The following NFAT5 variants were observed in gnomAD, a reference collection of about 807,000 sequenced individuals.
NFAT5 encodes nuclear factor of activated T cells 5.
In NFAT5, 31 loss-of-function variants were observed where a neutral mutation model predicts 166.5. The observed-to-expected ratio is 0.19, with a 90% CI of 0.14 to 0.25. The LOEUF (loss-of-function observed/expected upper bound fraction) is 0.25, where lower values mean the gene tolerates loss of function less well. Among genes scored for constraint, NFAT5 ranks in the 10% least tolerant of loss-of-function variants. The probability of loss-of-function intolerance (pLI) is 1.00; values close to 1 mark genes in which losing one functional copy is unlikely to be tolerated. For synonymous variants in NFAT5, 612 were observed against 639.7 expected, an observed-to-expected ratio of 0.96 and a Z score of 0.65; for missense variants, 1,449 against 1,821.8, an observed-to-expected ratio of 0.80 and a Z score of 3.72.
rs199658832 is a variant in NFAT5, at chr16:69,677,284, A to G, written c.1639A>G (p.Asn547Asp). 5.0e-6 allele frequency: 8 copies of G among 1,612,330 alleles called. No individual in the cohort carries two copies. In the Admixed American group the frequency reaches 1.2e-4, roughly 24 times the overall value. Reference sequence around the variant, plus strand: ...GTCAGTGGGAATATATGTAGTGACAAATGCTGGAAGATCTCATGATGTTCA... The same window carrying G: ...GTCAGTGGGAATATATGTAGTGACAGATGCTGGAAGATCTCATGATGTTCA... ...PVSVGIYVVT[N>D]AGRSHDVQPF... The change falls in exon 10 of 15, where the codon AAT (asparagine) becomes GAT (aspartate). Residue 547 changes from asparagine (N) to aspartate (D), a missense_variant. Transcript: ENST00000349945.
At chr16:69,670,141 T>G (rs2036565994) in intron 8 of NFAT5, 30 bp downstream of exon 8, 1 of 1,602,020 alleles carries the variant, frequency 6.2e-7, no homozygotes, top group East Asian at 2.2e-5. Context: ...GTACAGATAT[T>G]TGTATGTTTT....
intron 3 of NFAT5, among the ~76,000 whole-genome samples, chr16:69,636,670 A>G (rs1044275279): frequency 1.3e-5 from 2 of 152,172 alleles, no homozygotes; most frequent in African/African-American, 4.8e-5. Flanking sequence ...AGCTGTGTAC[A>G]TTGGCCCCTT....
chr16:69,578,835 T>A (rs2031472159), intron 2 of NFAT5, among the ~76,000 whole-genome samples: 1 of 152,116 alleles, frequency 6.6e-6, no homozygotes, highest in South Asian at 2.1e-4. Flanking sequence ...AATTGACATT[T>A]GTAAGAACTT....
intron 2 of NFAT5, among the ~76,000 whole-genome samples, chr16:69,619,011 G>A (rs184604584): frequency 4.6e-5 from 7 of 152,064 alleles, no homozygotes; most frequent in Admixed American, 3.9e-4. Context: ...TTTTTTCCCC[G>A]TTTTTATTAT....
At chr16:69,577,736 A>C (rs1042032402) in intron 2 of NFAT5, among the ~76,000 whole-genome samples, 1 of 152,160 alleles carries the variant, frequency 6.6e-6, no homozygotes, top group Non-Finnish European at 1.5e-5. Context: ...CATACTTTTT[A>C]AAAAAACTCA....
In NFAT5 at chr16:69,694,044, AATCAACAAG is replaced by A; in HGVS notation, c.4222_4230del (p.Gln1408_Asp1410del). 1 of 1,614,148 alleles carries A rather than the reference AATCAACAAG, an allele frequency of 6.2e-7. No homozygotes were observed. The highest frequency in any genetic ancestry group is 8.5e-7 in the Non-Finnish European group (1 of 1,180,022). On this transcript the variant is annotated inframe_deletion, in exon 13 of 15. Coordinates refer to ENST00000349945, the MANE Select transcript of NFAT5 (RefSeq NM_138713.4). The stretch of plus-strand genomic sequence containing the variant: ...CATGTCTGCCTTGCAGACCAGTATA[AATCAACAAG>A]ATATGCAACAGTCTCCTCTTTATTC...
At chr16:69,649,268 GTCTT>G (rs2035573173) in intron 4 of NFAT5, 1 of 955,372 alleles carries the variant, frequency 1.0e-6, no homozygotes, top group Non-Finnish European at 1.2e-6. Flanking sequence ...AGTGGAGAAA[GTCTT>G]TAATATAAAG....
At chr16:69,671,441 G>A (rs2036617101) in intron 9 of NFAT5, among the ~76,000 whole-genome samples, 1 of 152,230 alleles carries the variant, frequency 6.6e-6, no homozygotes, top group African/African-American at 2.4e-5. Context: ...CGCGATTTCA[G>A]CTCACTGCAA....
At chr16:69,573,411 A>G (rs1016635864) in intron 2 of NFAT5, among the ~76,000 whole-genome samples, 2 of 152,160 alleles carry the variant, frequency 1.3e-5, no homozygotes, top group Non-Finnish European at 2.9e-5. Context: ...TGCCTATAAT[A>G]TTTTATGTAC....
chr16:69,612,700 A>G (rs2033758583), intron 2 of NFAT5, among the ~76,000 whole-genome samples: 1 of 132,974 alleles, frequency 7.5e-6, no homozygotes, highest in Non-Finnish European at 1.7e-5. Flanking sequence ...ATACACAGAG[A>G]CACACACACA....
At chr16:69,646,477 C>A in intron 3 of NFAT5, 1 of 853,470 alleles carries the variant, frequency 1.2e-6, no homozygotes, top group Non-Finnish European at 1.6e-6. Context: ...GAATAATCAG[C>A]AGCTCTTTTC....
chr16:69,635,769 A>G (rs1366929194), intron 3 of NFAT5, among the ~76,000 whole-genome samples: 1 of 152,124 alleles, frequency 6.6e-6, no homozygotes, highest in Non-Finnish European at 1.5e-5. Context: ...ACCAGCCCCC[A>G]TGATTCACAA....
intron 2 of NFAT5, among the ~76,000 whole-genome samples, chr16:69,592,149 G>A (rs1353139132): frequency 7.0e-6 from 1 of 143,058 alleles, no homozygotes; most frequent in Non-Finnish European, 1.5e-5. Flanking sequence ...GTGTGATCTC[G>A]GCTCACTGCA....
rs201563281 is a variant in NFAT5 at position 69,694,120 on chromosome 16, C to T, written c.4295C>T (p.Ser1432Leu). The part of the protein sequence containing the change: ...NMPGIQGATS[S>L]PQPQATLFHN... ...CCTGGAATTCAAGGAGCCACATCTT[C>T]GCCTCAACCACAGGCTACTTTATTT... The change falls in exon 13 of 15, where the codon TCG becomes TTG. Residue 1432 changes from serine (S) to leucine (L), a missense_variant. Ser to Leu is a moderately radical substitution (Grantham distance 145). Transcript: ENST00000349945. The T allele has an allele frequency of 1.6e-5, 26 of 1,614,228 alleles. No homozygotes were observed. The highest frequency in any genetic ancestry group is 6.7e-5 in the Admixed American group (4 of 60,032).
chr16:69,697,697 T>C lies in NFAT5; in HGVS notation c.*1346T>C, dbSNP rs2037804663. ...CAGAACTTGGCAGTTGTAGCATTAGTTATACAGTTTTGGGTGTTCTTGCCA... is the reference window on the plus strand; with the variant it reads ...CAGAACTTGGCAGTTGTAGCATTAGCTATACAGTTTTGGGTGTTCTTGCCA... On this transcript the variant is annotated 3_prime_UTR_variant, in exon 15 of 15. Transcript: ENST00000349945. 1 of 152,606 alleles carries C rather than the reference T, an allele frequency of 6.6e-6. No individual in the cohort carries two copies. The highest frequency in any genetic ancestry group is 1.5e-5 in the Non-Finnish European group (1 of 68,026). 9.5% of individuals were successfully genotyped at this position (152,606 alleles called of 1,614,324 possible). A position where few individuals can be genotyped will look rare whatever the true frequency, so the allele number is the denominator to read the frequency against.
intron 9 of NFAT5, among the ~76,000 whole-genome samples, chr16:69,675,127 C>G (rs937442982): frequency 2.6e-5 from 4 of 152,122 alleles, no homozygotes; most frequent in Non-Finnish European, 4.4e-5. Context: ...AAAATAGGTT[C>G]ATTTGGTTTT....
chr16:69,669,851 T>TATAA, intron 7 of NFAT5, 126 bp from the exon 8 acceptor site: 1 of 787,960 alleles, frequency 1.3e-6, no homozygotes, highest in South Asian at 2.5e-5. Context: ...ATTGTGTAAC[T>TATAA]ATAAAAATAT....
chr16:69,649,442 A>G (rs1051286639), intron 4 of NFAT5: 31 of 984,510 alleles, frequency 3.1e-5, no homozygotes, highest in African/African-American at 3.5e-5. Flanking sequence ...TATGATAGCT[A>G]TATCTTAGAA....
At chr16:69,677,924 G>A (rs1034813324) in intron 10 of NFAT5, among the ~76,000 whole-genome samples, 7 of 151,926 alleles carry the variant, frequency 4.6e-5, no homozygotes, top group African/African-American at 1.5e-4. Context: ...AGGCCGAGGC[G>A]GGTGGATCAC....
Sources: allele counts gnomAD v4.1 joint callset (sites outside exome capture counted in the v4.1 genomes callset), GRCh38; gene constraint gnomAD v4.1.1; transcripts MANE v1.5; gene names NCBI Gene and HGNC (gene_info 2026-07-23, HGNC 2026-07-21).